PIK3AP1: variants seen among roughly 807,000 people sequenced by gnomAD.
The protein encoded by PIK3AP1 is phosphoinositide-3-kinase adaptor protein 1, also known as phosphoinositide 3-kinase adapter protein 1.
In PIK3AP1, 21 loss-of-function variants were observed where a neutral mutation model predicts 88.1. The ratio of observed to expected loss-of-function variants is 0.24; its 90% CI spans 0.17 to 0.34. The LOEUF (loss-of-function observed/expected upper bound fraction) is 0.34. Among genes scored for constraint, PIK3AP1 ranks in the 10% least tolerant of loss-of-function variants. PIK3AP1 has a pLI of 1.00. For synonymous variants in PIK3AP1, 398 were observed against 400.0 expected (o/e 1.00, Z 0.06); for missense variants, 828 against 1,035.7 (o/e 0.80, Z 2.75).
chr10:96,715,959 A>G (rs1017178681), intron 1 of PIK3AP1, among the ~76,000 whole-genome samples: 18 of 152,166 alleles, frequency 1.2e-4, no homozygotes, highest in African/African-American at 4.3e-4. Context: ...AAAACAAACA[A>G]ATAAACAAAC....
chr10:96,638,471 GACACACACAC>G (rs60796576), intron 8 of PIK3AP1, among the ~76,000 whole-genome samples: 2 of 148,116 alleles, frequency 1.4e-5, no homozygotes, highest in East Asian at 2.0e-4. Flanking sequence ...CACACACACA[GACACACACAC>G]ACACACACAC....
intron 2 of PIK3AP1, among the ~76,000 whole-genome samples, chr10:96,669,067 G>A (rs1348174407): frequency 6.6e-6 from 1 of 152,156 alleles, no homozygotes; most frequent in African/African-American, 2.4e-5. Flanking sequence ...GGGAAGCGGA[G>A]GCTGCAGTGA....
intron 2 of PIK3AP1, among the ~76,000 whole-genome samples, chr10:96,686,119 T>C (rs563760818): frequency 6.6e-6 from 1 of 152,332 alleles, no homozygotes; most frequent in South Asian, 2.1e-4. Context: ...AGCATTTTTT[T>C]CCTTCACAAT....
chr10:96,644,717 A>T (rs1843436204), intron 8 of PIK3AP1, among the ~76,000 whole-genome samples: 1 of 152,198 alleles, frequency 6.6e-6, no homozygotes, highest in African/African-American at 2.4e-5. Flanking sequence ...AATAAAATCA[A>T]ATTACCCCTC....
intron 10 of PIK3AP1, among the ~76,000 whole-genome samples, chr10:96,623,748 G>A (rs897871335): frequency 5.9e-5 from 9 of 152,094 alleles, no homozygotes; most frequent in Non-Finnish European, 1.0e-4. Context: ...GCTAGCCAGA[G>A]GACATGATCA....
chr10:96,640,845 T>C (rs1212340677), intron 8 of PIK3AP1, among the ~76,000 whole-genome samples: 1 of 151,888 alleles, frequency 6.6e-6, no homozygotes, highest in Non-Finnish European at 1.5e-5. Flanking sequence ...AAAATTTTTG[T>C]AGAAACGAGA....
intron 3 of PIK3AP1, among the ~76,000 whole-genome samples, chr10:96,653,479 C>CTTTTTTTT (rs748930022): frequency 6.5e-5 from 4 of 61,806 alleles, no homozygotes; most frequent in Non-Finnish European, 8.6e-5. Flanking sequence ...ACTTTATACA[C>CTTTTTTTT]TTTTTTTTTT....
intron 14 of PIK3AP1, 24 bp from the exon 15 acceptor site, chr10:96,604,073 C>G: frequency 1.3e-6 from 2 of 1,526,362 alleles, no homozygotes; most frequent in Non-Finnish European, 1.8e-6. Flanking sequence ...AGAAAATCAG[C>G]CGGATTGAGG....
At chr10:96,616,786 T>C (rs1380658083) in intron 12 of PIK3AP1, 75 bp from the exon 13 acceptor site, 10 of 1,398,520 alleles carry the variant, frequency 7.2e-6, no homozygotes, top group African/African-American at 4.3e-5. Flanking sequence ...TTCTTTCAGA[T>C]TGTATGCTGT....
At chr10:96,605,428 A>C (rs190901653) in intron 14 of PIK3AP1, among the ~76,000 whole-genome samples, 16 of 152,352 alleles carry the variant, frequency 1.1e-4, no homozygotes, top group African/African-American at 3.8e-4. Flanking sequence ...ATAACTGGAC[A>C]GCACAGCATT....
intron 2 of PIK3AP1, among the ~76,000 whole-genome samples, chr10:96,665,563 C>T (rs1171805912): frequency 6.6e-6 from 1 of 152,166 alleles, no homozygotes. Flanking sequence ...GCAGAAAGTC[C>T]TTAGATACGT....
chr10:96,631,522 C>G (rs1843244221), intron 8 of PIK3AP1, among the ~76,000 whole-genome samples: 1 of 152,188 alleles, frequency 6.6e-6, no homozygotes, highest in South Asian at 2.1e-4. Context: ...TGGATGCAGA[C>G]TTCCACTTTG....
At chr10:96,617,187 G>A (rs551118498) in intron 12 of PIK3AP1, among the ~76,000 whole-genome samples, 5 of 152,330 alleles carry the variant, frequency 3.3e-5, no homozygotes, top group South Asian at 2.1e-4. Flanking sequence ...GCACACTCTT[G>A]TGCCTTGCCT....
chr10:96,629,761 G>C lies in PIK3AP1; in HGVS notation c.1376-1268C>G, dbSNP rs191197991. Among the ~76,000 whole-genome samples the C allele has an allele frequency of 1.7e-3, 252 of 146,870 alleles. 4 individuals carry two copies. Among genetic ancestry groups the C allele is most frequent in the South Asian group, 6.6e-4 (3 of 4,564 alleles). On this transcript the variant is annotated intron_variant, in intron 8 of 16. Transcript: ENST00000339364. Reference sequence around the variant, plus strand: ...CAGAAAAAATTAGCAAGGTATAGCGGCACCTGACTGTGGTCCCAGCCACTT... The same window carrying C: ...CAGAAAAAATTAGCAAGGTATAGCGCCACCTGACTGTGGTCCCAGCCACTT...
intron 2 of PIK3AP1, among the ~76,000 whole-genome samples, chr10:96,687,431 A>G (rs1231858662): frequency 6.6e-6 from 1 of 152,032 alleles, no homozygotes; most frequent in Non-Finnish European, 1.5e-5. Flanking sequence ...GTGAGTGCCA[A>G]TCTCACACTT....
rs1291529631 is a variant in PIK3AP1 at position 96,673,789 on chromosome 10, C to T, written c.431-16855G>A. On this transcript the variant is annotated intron_variant, in intron 2 of 16. Transcript: ENST00000339364. The stretch of plus-strand genomic sequence containing the variant: ...AAGTCAAGAACTGAGAGGCTGAAGG[C>T]AACTCTTGACAATAACTAAGCTGAA... 2.0e-5 allele frequency among the ~76,000 whole-genome samples: 3 copies of T among 152,198 alleles called. No homozygotes were observed. In the East Asian group the frequency reaches 5.8e-4, roughly 29 times the overall value.
chr10:96,704,635 T>C (rs1481010708), intron 2 of PIK3AP1, among the ~76,000 whole-genome samples: 1 of 151,350 alleles, frequency 6.6e-6, no homozygotes, highest in Non-Finnish European at 1.5e-5. Context: ...GGAGAATTGC[T>C]CGAACCCAGG....
intron 2 of PIK3AP1, among the ~76,000 whole-genome samples, chr10:96,683,625 G>A (rs1047764684): frequency 2.0e-5 from 3 of 152,092 alleles, no homozygotes; most frequent in Admixed American, 2.0e-4. Context: ...ATAAAATCAA[G>A]TCATTTTCCA....
Position 96,626,793 on chromosome 10 carries a change from G to T in PIK3AP1, c.1584C>A (p.Ser528Arg), listed in dbSNP as rs770291316. ...DDEAFSVDLASRPPVPVPRPE... is the reference protein window; with the variant it reads ...DDEAFSVDLARRPPVPVPRPE... ...GTCTGGGCACTGGGACAGGGGGCCT[G>T]CTGGCCAGGTCCACAGAAAAGGCCT... Residue 528 changes from serine to arginine, a missense_variant, in exon 10 of 17, where the codon AGC becomes AGA. By Grantham distance (110) the Ser-to-Arg change is moderately radical. Around this residue, in one of 3 missense-constraint regions of PIK3AP1, gnomAD observed 610 missense variants for 760.1 expected, o/e 0.80. Transcript: ENST00000339364. 6.2e-7 allele frequency: 1 copy of T among 1,614,122 alleles called. No homozygotes were observed. Among genetic ancestry groups the T allele is most frequent in the African/African-American group, 1.3e-5 (1 of 74,944 alleles).
Sources: allele counts gnomAD v4.1 joint callset (sites outside exome capture counted in the v4.1 genomes callset), GRCh38; gene constraint gnomAD v4.1.1; regional missense constraint gnomAD v4.1.1; transcripts MANE v1.5; gene names NCBI Gene and HGNC (gene_info 2026-07-23, HGNC 2026-07-21).